LRGUK: variants seen among roughly 807,000 people sequenced by gnomAD.
LRGUK encodes leucine-rich repeat and guanylate kinase domain-containing protein.
LRGUK carries 65 observed loss-of-function variants against 76.0 expected under a neutral mutation model. The observed-to-expected ratio is 0.85, with a 90% CI of 0.70 to 1.05. The LOEUF (loss-of-function observed/expected upper bound fraction) is 1.05, where lower values mean the gene tolerates loss of function less well. LRGUK is among the 50% of genes least tolerant of loss of function. The probability of loss-of-function intolerance (pLI) is 0.00; values close to 1 mark genes in which losing one functional copy is unlikely to be tolerated. For synonymous variants in LRGUK, 268 were observed against 265.6 expected, an observed-to-expected ratio of 1.01 and a Z score of -0.09; for missense variants, 758 against 732.8, an observed-to-expected ratio of 1.03 and a Z score of -0.40.
At chr7:134,275,099 T>C in the LRGUK span, among the ~76,000 whole-genome samples, 1 of 152,150 alleles carries the variant, frequency 6.6e-6, no homozygotes, top group Non-Finnish European at 1.5e-5. Flanking sequence ...TTTTCTCTAC[T>C]CTGATGTATA....
intron 19 of LRGUK, among the ~76,000 whole-genome samples, chr7:134,263,391 A>C (rs181116933): frequency 1.1e-4 from 7 of 65,364 alleles, no homozygotes; most frequent in Admixed American, 2.0e-4. Context: ...CTATAGGAAG[A>C]ACTTCACTTC....
chr7:134,271,088 C>T, the LRGUK span, among the ~76,000 whole-genome samples: 1 of 151,976 alleles, frequency 6.6e-6, no homozygotes, highest in Non-Finnish European at 1.5e-5. Flanking sequence ...TTTAAATAAG[C>T]TTATTGGCCA....
At chr7:134,220,925 A>G (rs1801577027) in intron 15 of LRGUK, among the ~76,000 whole-genome samples, 2 of 151,940 alleles carry the variant, frequency 1.3e-5, no homozygotes, top group Admixed American at 6.6e-5. Context: ...CTCTCATACC[A>G]TGTATTCAAA....
At chr7:134,139,944 A>G (rs1349921781) in intron 3 of LRGUK, among the ~76,000 whole-genome samples, 2 of 150,868 alleles carry the variant, frequency 1.3e-5, no homozygotes, top group Admixed American at 6.6e-5. Flanking sequence ...TTTATTCTGC[A>G]TTTTGAAAAT....
intron 16 of LRGUK, among the ~76,000 whole-genome samples, chr7:134,238,687 A>T (rs1563196168): frequency 1.3e-5 from 2 of 151,348 alleles, no homozygotes; most frequent in African/African-American, 4.9e-5. Flanking sequence ...TAGATTGCAG[A>T]TTTTTTTTCT....
At chr7:134,251,391 G>C (rs923445588) in intron 18 of LRGUK, among the ~76,000 whole-genome samples, 2 of 152,148 alleles carry the variant, frequency 1.3e-5, no homozygotes, top group African/African-American at 4.8e-5. Context: ...GAGAGGCCCG[G>C]AACAATTCTC....
chr7:134,253,555 C>T (rs1802497770), intron 18 of LRGUK, among the ~76,000 whole-genome samples: 1 of 152,150 alleles, frequency 6.6e-6, no homozygotes, highest in Non-Finnish European at 1.5e-5. Context: ...TGGCTCATGC[C>T]TATAATCCCA....
intron 7 of LRGUK, among the ~76,000 whole-genome samples, chr7:134,166,328 G>T (rs191147798): frequency 8.2e-4 from 125 of 152,164 alleles, no homozygotes; most frequent in African/African-American, 2.9e-3. Context: ...ACCATCAGCT[G>T]GGAATTTGGG....
At chr7:134,210,148 T>C (rs1339591887) in exon 16 of LRGUK, 1 of 399,120 alleles carries the variant, frequency 2.5e-6, no homozygotes, top group Non-Finnish European at 4.4e-6. Flanking sequence ...AGGCACCACC[T>C]GGGAACCACC....
At chr7:134,163,602 T>G (rs1457983645) in intron 7 of LRGUK, 62 bp downstream of exon 7, 1 of 1,427,238 alleles carries the variant, frequency 7.0e-7, no homozygotes, top group African/African-American at 1.4e-5. Flanking sequence ...ATTAGAGACT[T>G]AGCACACACC....
rs1797682006 is a variant in LRGUK at position 134,139,572 on chromosome 7, G to GCAGT, written c.487+56_487+59dup. 2.6e-6 allele frequency: 3 copies of GCAGT among 1,137,282 alleles called. No individual in the cohort carries two copies. In the East Asian group the frequency reaches 7.2e-5, roughly 27 times the overall value. The allele number at this position is 1,137,282 out of a possible 1,614,324, so 70.4% of individuals were successfully genotyped here. A position where few individuals can be genotyped will look rare whatever the true frequency, so the allele number is the denominator to read the frequency against. ...TGAATTATCTGAAAACTTAAACGTT[G>GCAGT]CAGTATGTAATATGGTTTAATAATG... On this transcript the variant is annotated intron_variant, in intron 3 of 15. Coordinates refer to ENST00000645682, the Ensembl canonical transcript of LRGUK.
exon 16 of LRGUK, chr7:134,209,395 T>C: frequency 2.5e-6 from 1 of 399,076 alleles, no homozygotes; most frequent in Non-Finnish European, 4.4e-6. Flanking sequence ...CTCAGCAAGC[T>C]CTGAAGGAGG....
chr7:134,250,847 C>T (rs1369971560), intron 18 of LRGUK, among the ~76,000 whole-genome samples: 1 of 152,206 alleles, frequency 6.6e-6, no homozygotes, highest in East Asian at 1.9e-4. Context: ...AGTAGGTTTA[C>T]ACGTCATCTC....
intron 16 of LRGUK, among the ~76,000 whole-genome samples, chr7:134,241,245 GAC>G (rs1297403497): frequency 6.6e-6 from 1 of 152,100 alleles, no homozygotes; most frequent in African/African-American, 2.4e-5. Context: ...CCAATTAAAA[GAC>G]ACAGACTGGC....
intron 10 of LRGUK, among the ~76,000 whole-genome samples, chr7:134,182,807 A>G (rs1172560770): frequency 6.6e-6 from 1 of 152,130 alleles, no homozygotes; most frequent in Admixed American, 6.5e-5. Context: ...TGTTGCCCAG[A>G]CTGGAGTACA....
At chr7:134,201,512 T>C (rs978441211) in exon 15 of LRGUK, 15 of 1,613,910 alleles carry the variant, frequency 9.3e-6, no homozygotes, top group Non-Finnish European at 1.3e-5. Flanking sequence ...AAAAACTGAG[T>C]CAGCTCATTA....
chr7:134,245,018 C>G (rs930811823), intron 16 of LRGUK, among the ~76,000 whole-genome samples: 2 of 123,148 alleles, frequency 1.6e-5, no homozygotes, highest in African/African-American at 6.4e-5. Context: ...CACTTGGACA[C>G]AGGGTGGGGA....
downstream of LRGUK, among the ~76,000 whole-genome samples, chr7:134,210,881 A>T (rs1801238817): frequency 1.3e-5 from 2 of 152,108 alleles, no homozygotes; most frequent in South Asian, 4.1e-4. Context: ...AAGCCCCGCC[A>T]CTCCCCAGAA....
chr7:134,142,925 C>T (rs1194827168), intron 3 of LRGUK, 137 bp from the exon 4 acceptor site: 5 of 541,942 alleles, frequency 9.2e-6, no homozygotes, highest in Non-Finnish European at 1.6e-5. Flanking sequence ...TTATTCCTTT[C>T]ACTCATATGG....
Sources: allele counts gnomAD v4.1 joint callset (sites outside exome capture counted in the v4.1 genomes callset), GRCh38; gene constraint gnomAD v4.1.1; transcripts MANE v1.5; gene names NCBI Gene and HGNC (gene_info 2026-07-23, HGNC 2026-07-21).